RFX3: variants seen among roughly 807,000 people sequenced by gnomAD.
The protein encoded by RFX3 is regulatory factor X3.
Under a neutral mutation model 98.6 loss-of-function variants are expected in RFX3, and 14 were observed. The observed-to-expected ratio is 0.14, with a 90% CI of 0.09 to 0.22. RFX3 has a LOEUF of 0.22. Ranked by LOEUF, RFX3 falls within the 10% of genes least tolerant of loss-of-function variation. The pLI, the probability that RFX3 is intolerant of heterozygous loss-of-function variation, is 1.00. For synonymous variants in RFX3, 383 were observed against 328.4 expected (o/e 1.17, Z -1.80); for missense variants, 639 against 926.9 (o/e 0.69, Z 4.03).
At chr9:3,313,575 G>A (rs978317970) in intron 4 of RFX3, among the ~76,000 whole-genome samples, 14 of 152,290 alleles carry the variant, frequency 9.2e-5, no homozygotes, top group Admixed American at 8.5e-4. Context: ...AAACTTCTCT[G>A]AGCTAAAGGA....
intron 16 of RFX3, among the ~76,000 whole-genome samples, chr9:3,228,158 T>C (rs1165829687): frequency 6.6e-6 from 1 of 152,234 alleles, no homozygotes; most frequent in Non-Finnish European, 1.5e-5. Context: ...GGTATATTTA[T>C]CAGTATTGTT....
At chr9:3,497,393 A>C (rs1466829865) in intron 1 of RFX3, among the ~76,000 whole-genome samples, 1 of 152,030 alleles carries the variant, frequency 6.6e-6, no homozygotes, top group East Asian at 1.9e-4. Context: ...GCTCCAGTGG[A>C]TTATTAAAGG....
At chr9:3,252,642 G>C (rs1286839470) in intron 14 of RFX3, among the ~76,000 whole-genome samples, 1 of 152,142 alleles carries the variant, frequency 6.6e-6, no homozygotes, top group Non-Finnish European at 1.5e-5. Context: ...ACCTGATAGG[G>C]TCTGGATGAC....
chr9:3,424,906 T>A (rs1426211879), intron 1 of RFX3, among the ~76,000 whole-genome samples: 1 of 152,092 alleles, frequency 6.6e-6, no homozygotes, highest in East Asian at 1.9e-4. Flanking sequence ...TTAGGGCTTG[T>A]TTTAGAGAGT....
At chr9:3,300,963 G>C (rs949477093) in intron 5 of RFX3, among the ~76,000 whole-genome samples, 1 of 151,826 alleles carries the variant, frequency 6.6e-6, no homozygotes, top group Non-Finnish European at 1.5e-5. Context: ...TCAATTATTA[G>C]CAATTTATGG....
intron 1 of RFX3, among the ~76,000 whole-genome samples, chr9:3,417,713 T>G (rs1294139190): frequency 6.6e-6 from 1 of 152,022 alleles, no homozygotes; most frequent in African/African-American, 2.4e-5. Flanking sequence ...AATCAACAGT[T>G]TTACAAGTGA....
chr9:3,514,514 G>A (rs1261112393), intron 1 of RFX3, among the ~76,000 whole-genome samples: 2 of 152,028 alleles, frequency 1.3e-5, no homozygotes, highest in African/African-American at 4.8e-5. Flanking sequence ...CAGGCTCCGG[G>A]TTGTCTACAG....
chr9:3,438,139 G>A (rs1406596190), intron 1 of RFX3, among the ~76,000 whole-genome samples: 1 of 152,016 alleles, frequency 6.6e-6, no homozygotes, highest in East Asian at 1.9e-4. Context: ...TCTTGCATCA[G>A]GGAATGGGAA....
chr9:3,305,886 T>C (rs1024186715), intron 4 of RFX3, among the ~76,000 whole-genome samples: 6 of 151,980 alleles, frequency 3.9e-5, no homozygotes, highest in African/African-American at 1.4e-4. Context: ...TTCTGAGAGT[T>C]TACCAATCTC....
intron 15 of RFX3, among the ~76,000 whole-genome samples, chr9:3,244,071 G>A (rs1316414331): frequency 6.7e-6 from 1 of 150,136 alleles, no homozygotes; most frequent in Non-Finnish European, 1.5e-5. Flanking sequence ...GCGTGACCTT[G>A]TCTCACTGCA....
chr9:3,274,195 G>A (rs1824902476), intron 9 of RFX3, among the ~76,000 whole-genome samples: 1 of 152,156 alleles, frequency 6.6e-6, no homozygotes, highest in South Asian at 2.1e-4. Flanking sequence ...TAATAATCTA[G>A]TACCCTTGAC....
intron 4 of RFX3, among the ~76,000 whole-genome samples, chr9:3,329,843 A>G (rs1214070558): frequency 6.6e-6 from 1 of 152,190 alleles, no homozygotes; most frequent in Non-Finnish European, 1.5e-5. Flanking sequence ...TAGCATAAAT[A>G]TTATTGTTGA....
intron 3 of RFX3, among the ~76,000 whole-genome samples, chr9:3,341,734 T>C (rs1450291669): frequency 6.6e-6 from 1 of 152,218 alleles, no homozygotes; most frequent in East Asian, 1.9e-4. Context: ...AGGGCAGTCC[T>C]CTCTCCAAAA....
rs187572817 is a variant in RFX3 at position 3,413,051 on chromosome 9, G to T, written c.-8-17455C>A. 2.7e-4 allele frequency among the ~76,000 whole-genome samples: 41 copies of T among 150,862 alleles called. No homozygotes were observed. In the East Asian group the frequency reaches 7.4e-3, roughly 27 times the overall value. On this transcript the variant is annotated intron_variant, in intron 1 of 16. Coordinates refer to ENST00000617270, the MANE Select transcript of RFX3 (RefSeq NM_001282116.2). ...ATAGAAAATTTTCTCAATTTAACAG[G>T]AAAAACCAAAAAACCTCTCTCCTTG...
chr9:3,431,970 T>C (rs1378175285), intron 1 of RFX3, among the ~76,000 whole-genome samples: 1 of 152,152 alleles, frequency 6.6e-6, no homozygotes, highest in Non-Finnish European at 1.5e-5. Context: ...ACTCCACTAT[T>C]TGTGCAAATG....
chr9:3,444,870 T>C (rs1386002295), intron 1 of RFX3, among the ~76,000 whole-genome samples: 1 of 152,250 alleles, frequency 6.6e-6, no homozygotes, highest in Non-Finnish European at 1.5e-5. Flanking sequence ...ATAAAGCTTT[T>C]TCTCAGTCAC....
At chr9:3,506,699 T>C (rs374440231) in intron 1 of RFX3, among the ~76,000 whole-genome samples, 5 of 151,654 alleles carry the variant, frequency 3.3e-5, no homozygotes, top group African/African-American at 1.2e-4. Context: ...ATTTCACATA[T>C]AGAGAAATGT....
In RFX3 at chr9:3,223,318, C is replaced by T. The variant is rs1320351676; in HGVS notation, c.*1724G>A. 6.6e-6 allele frequency: 1 copy of T among 152,104 alleles called. No individual in the cohort carries two copies. The highest frequency in any genetic ancestry group is 2.4e-5 in the African/African-American group (1 of 41,420). 9.4% of individuals were successfully genotyped at this position (152,104 alleles called of 1,614,324 possible). On this transcript the variant is annotated 3_prime_UTR_variant, in exon 17 of 17. Coordinates refer to ENST00000617270, the MANE Select transcript of RFX3 (RefSeq NM_001282116.2). Reference sequence around the variant, plus strand: ...CAAATTAAAATGGGGCTGGGTGTAACTCTCTAGGATCTCACCTTCTGACTT... The same window carrying T: ...CAAATTAAAATGGGGCTGGGTGTAATTCTCTAGGATCTCACCTTCTGACTT...
chr9:3,317,172 T>G (rs533998657), intron 4 of RFX3, among the ~76,000 whole-genome samples: 22 of 152,204 alleles, frequency 1.4e-4, no homozygotes, highest in Non-Finnish European at 2.6e-4. Flanking sequence ...AAAACAGAGA[T>G]ATAGACCAAT....
Sources: allele counts gnomAD v4.1 joint callset (sites outside exome capture counted in the v4.1 genomes callset), GRCh38; gene constraint gnomAD v4.1.1; transcripts MANE v1.5; gene names NCBI Gene and HGNC (gene_info 2026-07-23, HGNC 2026-07-21).